The following FOXN4 variants were observed in gnomAD, a reference collection of about 807,000 sequenced individuals.
FOXN4 encodes the protein forkhead box N4.
In FOXN4, 12 loss-of-function variants were observed where a neutral mutation model predicts 45.0. The ratio of observed to expected loss-of-function variants is 0.27; its 90% confidence interval spans 0.17 to 0.43. The LOEUF (loss-of-function observed/expected upper bound fraction) is 0.43, where lower values mean the gene tolerates loss of function less well. FOXN4 is among the 20% of genes least tolerant of loss of function. The pLI, the probability that FOXN4 is intolerant of heterozygous loss-of-function variation, is 1.00. For synonymous variants in FOXN4, 297 were observed against 295.0 expected, an observed-to-expected ratio of 1.01 and a Z score of -0.07; for missense variants, 560 against 694.9, an observed-to-expected ratio of 0.81 and a Z score of 2.18.
At chr12:109,289,531 G>T (rs2136926319) in intron 3 of FOXN4, among the ~76,000 whole-genome samples, 1 of 152,238 alleles carries the variant, frequency 6.6e-6, no homozygotes, top group African/African-American at 2.4e-5. Flanking sequence ...TTATTGTTTT[G>T]TCACTGTTTT....
Position 109,279,557 on chromosome 12 carries a change from G to A in FOXN4, c.*114C>T. On this transcript the variant is annotated 3_prime_UTR_variant, in exon 10 of 10. Coordinates refer to ENST00000299162, the MANE Select transcript of FOXN4 (RefSeq NM_213596.3). ...TGTCCAGCCGGCAACTTCGCCACAG[G>A]TCCAGGAGAGGCTTCGGGGACAATG... The A allele has an allele frequency of 1.4e-6, 2 of 1,474,454 alleles. No homozygotes were observed. The highest frequency in any genetic ancestry group is 1.3e-5 in the South Asian group (1 of 74,490). The allele number at this position is 1,474,454 out of a possible 1,614,324, so 91.3% of individuals were successfully genotyped here. A position where few individuals can be genotyped will look rare whatever the true frequency, so the allele number is the denominator to read the frequency against.
chr12:109,295,143 A>G (rs193211799), intron 2 of FOXN4, among the ~76,000 whole-genome samples: 32 of 152,314 alleles, frequency 2.1e-4, no homozygotes, highest in Admixed American at 4.6e-4. Flanking sequence ...ACTGGTGTGG[A>G]GGCGGAGTGG....
intron 7 of FOXN4, among the ~76,000 whole-genome samples, chr12:109,285,770 C>T (rs1420854782): frequency 6.6e-6 from 1 of 152,070 alleles, no homozygotes. Flanking sequence ...GCCTGGCCTG[C>T]TGGATCTTCC....
chr12:109,278,298 C>G lies in FOXN4; in HGVS notation c.*1373G>C, dbSNP rs2047623357. Reference sequence around the variant, plus strand: ...CCTGGCTCTAGGGTTCGGGAACTCCCAGACACCAAGTCAACATCCATCTGG... The same window carrying G: ...CCTGGCTCTAGGGTTCGGGAACTCCGAGACACCAAGTCAACATCCATCTGG... On this transcript the variant is annotated 3_prime_UTR_variant, in exon 10 of 10. Transcript: ENST00000299162. 6.6e-6 allele frequency: 1 copy of G among 152,230 alleles called. No homozygotes were observed. Among genetic ancestry groups the G allele is most frequent in the Non-Finnish European group, 1.5e-5 (1 of 68,046 alleles). The allele number at this position is 152,230 out of a possible 1,614,324, so 9.4% of individuals were successfully genotyped here. A position where few individuals can be genotyped will look rare whatever the true frequency, so the allele number is the denominator to read the frequency against.
intron 2 of FOXN4, among the ~76,000 whole-genome samples, chr12:109,307,743 T>C (rs1470189832): frequency 3.9e-5 from 6 of 152,214 alleles, no homozygotes; most frequent in Non-Finnish European, 5.9e-5. Context: ...ACAAGATCAA[T>C]TAAATGATGA....
intron 2 of FOXN4, among the ~76,000 whole-genome samples, chr12:109,296,130 T>A (rs2047814262): frequency 6.6e-6 from 1 of 152,164 alleles, no homozygotes; most frequent in African/African-American, 2.4e-5. Flanking sequence ...GTCCCCTGCA[T>A]GGTACCAGCC....
intron 2 of FOXN4, among the ~76,000 whole-genome samples, chr12:109,299,144 G>A (rs1249718279): frequency 6.6e-6 from 1 of 152,042 alleles, no homozygotes; most frequent in Non-Finnish European, 1.5e-5. Flanking sequence ...TGAGCAGAGA[G>A]CTTTTTGGGC....
In FOXN4 at chr12:109,279,626, GC is replaced by G; in HGVS notation, c.*44del. On this transcript the variant is annotated 3_prime_UTR_variant, in exon 10 of 10. Transcript: ENST00000299162. ...AACACCCTGTTCTAGTCAGTTCTCT[GC>G]CCAAGCCGGGTGCCGGGGTTCCAGG... 1 of 1,555,094 alleles carries G rather than the reference GC, an allele frequency of 6.4e-7. No individual in the cohort carries two copies. Among genetic ancestry groups the G allele is most frequent in the Non-Finnish European group, 8.7e-7 (1 of 1,149,238 alleles).
rs969611025 is a variant in FOXN4, at chr12:109,288,501, A to G, written c.233-321T>C. On this transcript the variant is annotated intron_variant, in intron 3 of 9. Coordinates refer to ENST00000299162, the MANE Select transcript of FOXN4 (RefSeq NM_213596.3). The surrounding 1 kb of genome is among the most constrained non-coding windows in gnomAD (Gnocchi z 4.3). ...CTGCTGGGCACATGATAATATCTCAATAAACATGAGTCAATAATAAATGAT... is the reference window on the plus strand; with the variant it reads ...CTGCTGGGCACATGATAATATCTCAGTAAACATGAGTCAATAATAAATGAT... Among the ~76,000 whole-genome samples, 5 of 152,376 alleles carry G rather than the reference A, an allele frequency of 3.3e-5. No homozygotes were observed. Among genetic ancestry groups the G allele is most frequent in the Admixed American group, 1.3e-4 (2 of 15,310 alleles).
chr12:109,281,858 C>T, intron 8 of FOXN4, 59 bp from the exon 9 acceptor site: 1 of 1,495,972 alleles, frequency 6.7e-7, no homozygotes, highest in Admixed American at 2.2e-5. Context: ...GGCCCCAGCC[C>T]AGGCCTGGGT....
chr12:109,308,554 C>A (rs539880587), intron 1 of FOXN4, among the ~76,000 whole-genome samples: 1 of 152,162 alleles, frequency 6.6e-6, no homozygotes, highest in South Asian at 2.1e-4. Context: ...ATGAAATTCC[C>A]GGTTCTTTCG....
rs1401302883 is a variant in FOXN4 at position 109,290,255 on chromosome 12, G to A, written c.118C>T (p.Pro40Ser). The A allele has an allele frequency of 7.1e-6, 11 of 1,551,142 alleles. No homozygotes were observed. Among genetic ancestry groups the A allele is most frequent in the East Asian group, 2.4e-5 (1 of 40,886 alleles). Residue 40 changes from proline (P) to serine (S), a missense_variant, in exon 3 of 10, where the codon CCC (proline) becomes TCC (serine). By Grantham distance (74) the Pro-to-Ser change is moderately conservative. Coordinates refer to ENST00000299162, the MANE Select transcript of FOXN4 (RefSeq NM_213596.3). This position sits in a 1 kb window ranked among gnomAD's most constrained non-coding sequence, Gnocchi z 5.1. ...LLATTSDDDLPGDLQSLSWLT... is the reference protein window; with the variant it reads ...LLATTSDDDLSGDLQSLSWLT... ...CACGACAGCGACTGCAGGTCCCCGG[G>A]AAGGTCATCATCGCTGGTGGTGGCT...
chr12:109,285,082 G>T (rs1006685407), intron 8 of FOXN4, among the ~76,000 whole-genome samples: 2 of 150,662 alleles, frequency 1.3e-5, no homozygotes, highest in African/African-American at 4.9e-5. Context: ...CCTCACTGGG[G>T]TTGCCCATGC....
intron 2 of FOXN4, among the ~76,000 whole-genome samples, chr12:109,305,376 A>G (rs1407539734): frequency 7.4e-6 from 1 of 134,866 alleles, no homozygotes; most frequent in African/African-American, 2.6e-5. Flanking sequence ...TGCTATTATT[A>G]TTGTTGTTAT....
At chr12:109,302,633 CATA>C (rs1257609091) in intron 2 of FOXN4, among the ~76,000 whole-genome samples, 2 of 152,142 alleles carry the variant, frequency 1.3e-5, no homozygotes, top group African/African-American at 4.8e-5. Flanking sequence ...AAGCCAGACA[CATA>C]GTAGTAGGTG....
intron 2 of FOXN4, among the ~76,000 whole-genome samples, chr12:109,302,788 C>A (rs11831762): frequency 6.6e-6 from 1 of 152,110 alleles, no homozygotes; most frequent in Non-Finnish European, 1.5e-5. Context: ...CCTACCTGCG[C>A]GGCAACTCCG....
chr12:109,295,606 C>T (rs1249828136), intron 2 of FOXN4, among the ~76,000 whole-genome samples: 1 of 152,178 alleles, frequency 6.6e-6, no homozygotes. Flanking sequence ...GCCAACATGG[C>T]GAAACCCTGT....
chr12:109,287,496 G>C lies in FOXN4; in HGVS notation c.497C>G (p.Pro166Arg), dbSNP rs552977137. 3 of 1,547,408 alleles carry C rather than the reference G, an allele frequency of 1.9e-6. No homozygotes were observed. Among genetic ancestry groups the C allele is most frequent in the Non-Finnish European group, 2.6e-6 (3 of 1,145,100 alleles). ...QCPPVGLYGP[P>R]FGVRPPYPQP... ...GGGGTAGGGGGGCCGCACCCCAAATGGGGGGCCATAGAGGCCCACAGGAGG... is the reference window on the plus strand; with the variant it reads ...GGGGTAGGGGGGCCGCACCCCAAATCGGGGGCCATAGAGGCCCACAGGAGG... The change falls in exon 6 of 10, where the codon CCA becomes CGA. Residue 166 changes from proline to arginine, a missense_variant. Coordinates refer to ENST00000299162, the MANE Select transcript of FOXN4 (RefSeq NM_213596.3). The surrounding 1 kb of genome is among the most constrained non-coding windows in gnomAD (Gnocchi z 4.1).
Position 109,287,300 on chromosome 12 carries a change from G to C in FOXN4, c.596+97C>G. On this transcript the variant is annotated intron_variant, in intron 6 of 9. Transcript: ENST00000299162. This position sits in a 1 kb window ranked among gnomAD's most constrained non-coding sequence, Gnocchi z 4.1. ...CCAAAACCTCCCCCTTGGAAGTCTG[G>C]GCTGCCACACTAGCTGTCTGAGATG... 5 of 1,476,544 alleles carry C rather than the reference G, an allele frequency of 3.4e-6. No homozygotes were observed. Among genetic ancestry groups the C allele is most frequent in the Non-Finnish European group, 4.6e-6 (5 of 1,092,998 alleles). 91.5% of individuals were successfully genotyped at this position (1,476,544 alleles called of 1,614,324 possible).
Sources: gnomAD v4.1 joint callset for allele counts (sites outside exome capture counted in the v4.1 genomes callset) on GRCh38, gnomAD v4.1.1 for gene constraint, Gnocchi (gnomAD v3.1) non-coding constraint, MANE v1.5 for transcripts, NCBI Gene and HGNC (gene_info 2026-07-23, HGNC 2026-07-21) for gene names.